API5: variants seen among roughly 807,000 people sequenced by gnomAD.
The protein encoded by API5 is FIF.
API5 carries 6 observed loss-of-function variants against 71.9 expected under a neutral mutation model. The ratio of observed to expected loss-of-function variants is 0.08; its 90% CI spans 0.05 to 0.16. API5 has a LOEUF of 0.16. Among genes scored for constraint, API5 ranks in the 10% least tolerant of loss-of-function variants. The pLI is 1.00. For missense variants in API5, 332 were observed against 612.8 expected, an observed-to-expected ratio of 0.54 and a Z score of 4.84; for synonymous variants, 189 against 221.3, an observed-to-expected ratio of 0.85 and a Z score of 1.30.
intron 5 of API5, 95 bp from the exon 6 acceptor site, chr11:43,323,335 T>G: frequency 1.8e-6 from 2 of 1,140,084 alleles, no homozygotes; most frequent in Non-Finnish European, 2.5e-6. Context: ...CAAACTGACT[T>G]TAGTAACTGA....
chr11:43,325,835 T>A (rs1855052418), intron 6 of API5, among the ~76,000 whole-genome samples: 1 of 152,070 alleles, frequency 6.6e-6, no homozygotes. Flanking sequence ...CTATGGCAGT[T>A]TTTTGGGATG....
intron 6 of API5, among the ~76,000 whole-genome samples, chr11:43,324,665 A>AATTC (rs752935794): frequency 3.3e-5 from 5 of 151,698 alleles, no homozygotes; most frequent in South Asian, 4.2e-4. Context: ...AGATGTCCAC[A>AATTC]ATTCATTTAT....
chr11:43,320,572 G>A (rs1388366597), intron 2 of API5, among the ~76,000 whole-genome samples: 4 of 151,718 alleles, frequency 2.6e-5, no homozygotes, highest in Non-Finnish European at 5.9e-5. Context: ...AGGGAAATCC[G>A]CCTTTAAAAT....
At chr11:43,332,398 G>C (rs1010765169) in intron 11 of API5, among the ~76,000 whole-genome samples, 4 of 152,106 alleles carry the variant, frequency 2.6e-5, no homozygotes, top group African/African-American at 9.7e-5. Context: ...TTTTACCCAT[G>C]CTTCTGATTG....
rs1590279322 is a variant in API5 at position 43,342,719 on chromosome 11, G to C, written c.*209G>C. 8 of 676,936 alleles carry C rather than the reference G, an allele frequency of 1.2e-5. No homozygotes were observed. Among genetic ancestry groups the C allele is most frequent in the Middle Eastern group, 2.6e-4 (1 of 3,788 alleles). The allele number at this position is 676,936 out of a possible 1,614,324, so 41.9% of individuals were successfully genotyped here. A position where few individuals can be genotyped will look rare whatever the true frequency, so the allele number is the denominator to read the frequency against. On this transcript the variant is annotated 3_prime_UTR_variant, in exon 14 of 14. Transcript: ENST00000531273. ...CCACAGTGATATTTTTGGATGCTTT[G>C]TCTGCAATCTTGACTTGTTTTTGCA...
chr11:43,324,390 T>C (rs1030109366), intron 6 of API5, among the ~76,000 whole-genome samples: 6 of 152,182 alleles, frequency 3.9e-5, no homozygotes, highest in African/African-American at 1.4e-4. Flanking sequence ...GTCTCAGGCT[T>C]TGTGTTTCCT....
chr11:43,315,746 T>A (rs1854647903), intron 1 of API5, among the ~76,000 whole-genome samples: 1 of 152,128 alleles, frequency 6.6e-6, no homozygotes, highest in African/African-American at 2.4e-5. Flanking sequence ...CCTCTGCTAC[T>A]CCTTCAGGTC....
At chr11:43,332,580 C>T (rs1158341990) in intron 11 of API5, among the ~76,000 whole-genome samples, 1 of 152,098 alleles carries the variant, frequency 6.6e-6, no homozygotes. Flanking sequence ...TTGAAGAGTC[C>T]TGAGTGCAGG....
chr11:43,326,266 A>C (rs1346605790), intron 6 of API5, among the ~76,000 whole-genome samples: 1 of 152,150 alleles, frequency 6.6e-6, no homozygotes, highest in Non-Finnish European at 1.5e-5. Context: ...TATGTTGATA[A>C]ATAAAGTTTA....
At chr11:43,336,239 G>C (rs574915985) in intron 13 of API5, 6 of 450,774 alleles carry the variant, frequency 1.3e-5, no homozygotes, top group African/African-American at 8.0e-5. Context: ...TATGCCTCTT[G>C]TATTCAGAGG....
At chr11:43,332,693 T>C (rs186442371) in intron 11 of API5, among the ~76,000 whole-genome samples, 11 of 151,954 alleles carry the variant, frequency 7.2e-5, no homozygotes, top group African/African-American at 2.4e-4. Context: ...CACTCTCATA[T>C]ACACACACAC....
chr11:43,334,969 A>C lies in API5; in HGVS notation c.1279-309A>C, dbSNP rs560867432. ...TGGTGACTGCATCTGTGCAAAAACA[A>C]ACCGAAACAAAACTTATTTGCTGAC... On this transcript the variant is annotated intron_variant, in intron 11 of 13. Transcript: ENST00000531273. Among the ~76,000 whole-genome samples the C allele has an allele frequency of 2.6e-5, 4 of 152,322 alleles. No homozygotes were observed. The South Asian group carries it at 8.3e-4, about 32-fold the overall frequency.
At chr11:43,329,183 A>C (rs935713929) in intron 9 of API5, 2 of 267,068 alleles carry the variant, frequency 7.5e-6, no homozygotes, top group South Asian at 1.5e-4. Flanking sequence ...TCTATAAAAA[A>C]TAACTTTAAA....
intron 3 of API5, among the ~76,000 whole-genome samples, 174 bp downstream of exon 3, chr11:43,321,088 A>G (rs182499888): frequency 3.3e-5 from 5 of 152,274 alleles, no homozygotes; most frequent in African/African-American, 9.6e-5. Flanking sequence ...TGGTTATCTA[A>G]TTCCTGGTGT....
chr11:43,337,194 C>T (rs1855465264), intron 13 of API5, among the ~76,000 whole-genome samples: 1 of 151,774 alleles, frequency 6.6e-6, no homozygotes, highest in Non-Finnish European at 1.5e-5. Flanking sequence ...GGTATGGTGG[C>T]ACGCACTTAT....
chr11:43,321,116 C>T (rs1258274605), intron 3 of API5, among the ~76,000 whole-genome samples: 1 of 151,968 alleles, frequency 6.6e-6, no homozygotes, highest in Non-Finnish European at 1.5e-5. Context: ...TTTTTAATTC[C>T]GTTATGAAGG....
rs1317228269 is a variant in API5 at position 43,312,098 on chromosome 11, C to T, written c.-30C>T. The T allele has an allele frequency of 1.9e-6, 3 of 1,612,166 alleles. No homozygotes were observed. Among genetic ancestry groups the T allele is most frequent in the Admixed American group, 3.3e-5 (2 of 59,984 alleles). On this transcript the variant is annotated 5_prime_UTR_variant, in exon 1 of 14. Coordinates refer to ENST00000531273, the MANE Select transcript of API5 (RefSeq NM_001142930.2). The stretch of plus-strand genomic sequence containing the variant: ...GTGGCGCCGGTCAGGACAAGGATAG[C>T]GGAACCGGGCCCTGGGCTTGTCGCT...
intron 6 of API5, among the ~76,000 whole-genome samples, chr11:43,324,792 C>G (rs1449867395): frequency 2.0e-5 from 3 of 152,084 alleles, no homozygotes; most frequent in Non-Finnish European, 4.4e-5. Flanking sequence ...ATTCTCGTGC[C>G]TCAACTTCCC....
At chr11:43,323,318 T>G in intron 5 of API5, 112 bp from the exon 6 acceptor site, 1 of 1,002,252 alleles carries the variant, frequency 1.0e-6, no homozygotes, top group South Asian at 1.6e-5. Flanking sequence ...TTTGGAAGCA[T>G]TAATAACAAA....
Sources: allele counts gnomAD v4.1 joint callset (sites outside exome capture counted in the v4.1 genomes callset), GRCh38; gene constraint gnomAD v4.1.1; transcripts MANE v1.5; gene names NCBI Gene and HGNC (gene_info 2026-07-23, HGNC 2026-07-21).